The following GRIA2 variants were observed in gnomAD, a reference collection of about 807,000 sequenced individuals.
GRIA2 encodes the protein glutamate receptor 2.
GRIA2 carries 14 observed loss-of-function variants against 97.3 expected under a neutral mutation model. The observed-to-expected ratio is 0.14, with a 90% confidence interval of 0.10 to 0.23. GRIA2 has a LOEUF of 0.23. Among genes scored for constraint, GRIA2 ranks in the 10% least tolerant of loss-of-function variants. The pLI is 1.00. For missense variants in GRIA2, 558 were observed against 1,069.8 expected, an observed-to-expected ratio of 0.52 and a Z score of 6.67; for synonymous variants, 412 against 387.8, an observed-to-expected ratio of 1.06 and a Z score of -0.73.
chr4:157,338,565 A>T (rs1212151723), intron 11 of GRIA2, among the ~76,000 whole-genome samples: 3 of 152,048 alleles, frequency 2.0e-5, no homozygotes, highest in East Asian at 3.9e-4. Context: ...TCAAGGCTGC[A>T]TCTAAATTAA....
chr4:157,246,440 GA>G (rs1730736155), intron 2 of GRIA2, among the ~76,000 whole-genome samples: 1 of 151,946 alleles, frequency 6.6e-6, no homozygotes, highest in South Asian at 2.1e-4. Context: ...TTACTCACAT[GA>G]AAAAATGTCT....
intron 11 of GRIA2, among the ~76,000 whole-genome samples, chr4:157,337,861 TA>T (rs568290808): frequency 2.0e-3 from 302 of 149,910 alleles, no homozygotes; most frequent in Middle Eastern, 6.8e-3. Context: ...GTGGGAATGA[TA>T]AAAAAAAATT....
At chr4:157,342,032 T>G in intron 12 of GRIA2, 12 of 631,590 alleles carry the variant, frequency 1.9e-5, no homozygotes, top group Non-Finnish European at 2.4e-5. Context: ...TTTTTTCTTT[T>G]AACTTTTGTT....
Position 157,357,225 on chromosome 4 carries a change from T to G in GRIA2, c.2044-2671T>G, listed in dbSNP as rs1262755444. ...CATCAGATTCCTCTAATTCTTGTTT[T>G]GAAAGTAGCTGTGAAATTCAAATTA... On this transcript the variant is annotated intron_variant, in intron 12 of 15. Transcript: ENST00000264426. Among the ~76,000 whole-genome samples, 7 of 152,294 alleles carry G rather than the reference T, an allele frequency of 4.6e-5. No homozygotes were observed. In the East Asian group the frequency reaches 1.3e-3, roughly 29 times the overall value.
chr4:157,275,020 C>A (rs1732222889), intron 2 of GRIA2, among the ~76,000 whole-genome samples: 1 of 151,934 alleles, frequency 6.6e-6, no homozygotes, highest in African/African-American at 2.4e-5. Flanking sequence ...CACATCCTCT[C>A]CAGCGCCTGT....
chr4:157,322,240 AGAGTGTGT>A (rs1443144597), intron 6 of GRIA2, among the ~76,000 whole-genome samples: 38 of 120,566 alleles, frequency 3.2e-4, no homozygotes, highest in South Asian at 3.1e-3. Context: ...AGAGAGAGAG[AGAGTGTGT>A]GTGTGTGTGT....
At chr4:157,260,098 C>T (rs1407713525) in intron 2 of GRIA2, among the ~76,000 whole-genome samples, 1 of 151,908 alleles carries the variant, frequency 6.6e-6, no homozygotes, top group Non-Finnish European at 1.5e-5. Context: ...ATTTATTTTT[C>T]TAACATACAT....
chr4:157,338,112 T>C (rs1415440400), intron 11 of GRIA2, among the ~76,000 whole-genome samples: 1 of 149,420 alleles, frequency 6.7e-6, no homozygotes, highest in Non-Finnish European at 1.5e-5. Context: ...CATCTCTGTA[T>C]TTAGTTTATT....
chr4:157,291,834 G>A (rs1176865305), intron 2 of GRIA2, among the ~76,000 whole-genome samples: 2 of 151,802 alleles, frequency 1.3e-5, no homozygotes, highest in East Asian at 3.9e-4. Context: ...AAAGCTCATA[G>A]AACTGATAAG....
chr4:157,321,521 G>T lies in GRIA2; in HGVS notation c.804G>T (p.Ser268=). 6.2e-7 allele frequency: 1 copy of T among 1,606,060 alleles called. No individual in the cohort carries two copies. The highest frequency in any genetic ancestry group is 8.5e-7 in the Non-Finnish European group (1 of 1,172,818). The part of the protein sequence containing the change: ...SGFQIVDYDD[S]LVSKFIERWS... ...TTCAGATAGTGGACTATGATGATTC[G>T]TTGGTATCTAAATTTATAGAAAGAT... Residue 268 remains serine (S), a synonymous_variant, in exon 6 of 16, where the codon TCG becomes TCT. Coordinates refer to ENST00000264426, the MANE Select transcript of GRIA2 (RefSeq NM_001083619.3).
intron 2 of GRIA2, among the ~76,000 whole-genome samples, chr4:157,262,822 A>G (rs532216945): frequency 6.6e-6 from 1 of 152,122 alleles, no homozygotes; most frequent in Non-Finnish European, 1.5e-5. Context: ...CACCATAAAA[A>G]CTTCTTAGGG....
intron 2 of GRIA2, among the ~76,000 whole-genome samples, chr4:157,225,118 A>C (rs935639429): frequency 1.3e-5 from 2 of 152,092 alleles, no homozygotes; most frequent in Non-Finnish European, 2.9e-5. Flanking sequence ...GGATCCAGGG[A>C]GATCCACTGA....
chr4:157,228,576 T>C (rs184561485), intron 2 of GRIA2, among the ~76,000 whole-genome samples: 4,105 of 151,976 alleles, frequency 0.027, 82 homozygotes, highest in Non-Finnish European at 0.041. Context: ...GTGGATCACC[T>C]GAGGTCAGGA....
intron 3 of GRIA2, among the ~76,000 whole-genome samples, chr4:157,305,399 A>G (rs1733798935): frequency 6.6e-6 from 1 of 151,972 alleles, no homozygotes; most frequent in African/African-American, 2.4e-5. Context: ...TCCATTTTCT[A>G]TGAAGTAGCA....
At chr4:157,249,223 C>T (rs1314152390) in intron 2 of GRIA2, among the ~76,000 whole-genome samples, 3 of 152,082 alleles carry the variant, frequency 2.0e-5, no homozygotes, top group Non-Finnish European at 4.4e-5. Flanking sequence ...TAAGAAGAAA[C>T]TTTATGAACC....
intron 2 of GRIA2, among the ~76,000 whole-genome samples, chr4:157,227,715 A>G (rs1296807255): frequency 2.0e-5 from 3 of 152,160 alleles, no homozygotes; most frequent in Admixed American, 6.5e-5. Context: ...GATACCCCAG[A>G]TTTCATTAAG....
At chr4:157,287,304 T>A (rs1439962977) in intron 2 of GRIA2, among the ~76,000 whole-genome samples, 1 of 151,798 alleles carries the variant, frequency 6.6e-6, no homozygotes, top group Non-Finnish European at 1.5e-5. Context: ...TCTTATTTAC[T>A]CTTTAAAGAC....
At chr4:157,278,813 C>A (rs974061582) in intron 2 of GRIA2, among the ~76,000 whole-genome samples, 3 of 151,804 alleles carry the variant, frequency 2.0e-5, no homozygotes, top group Non-Finnish European at 4.4e-5. Context: ...AGACAAAAGA[C>A]TTGAACACAC....
intron 2 of GRIA2, among the ~76,000 whole-genome samples, chr4:157,275,150 C>T (rs1169528151): frequency 2.0e-5 from 3 of 151,912 alleles, no homozygotes; most frequent in Admixed American, 2.0e-4. Flanking sequence ...GTGTTTTTTG[C>T]CTGCATAAAT....
Sources: allele counts gnomAD v4.1 joint callset (sites outside exome capture counted in the v4.1 genomes callset), GRCh38; gene constraint gnomAD v4.1.1; transcripts MANE v1.5; gene names NCBI Gene and HGNC (gene_info 2026-07-23, HGNC 2026-07-21).